ATXN2L: variants seen among roughly 807,000 people sequenced by gnomAD.
ATXN2L encodes the protein ataxin-2-like protein.
ATXN2L carries 24 observed loss-of-function variants against 120.7 expected under a neutral mutation model. That is an observed-to-expected ratio of 0.20 (90% CI 0.14 to 0.28). The LOEUF is 0.28. Among genes scored for constraint, ATXN2L ranks in the 10% least tolerant of loss-of-function variants. ATXN2L has a pLI of 1.00. For missense variants in ATXN2L, 1,312 were observed against 1,432.3 expected, an observed-to-expected ratio of 0.92 and a Z score of 1.36; for synonymous variants, 653 against 568.1, an observed-to-expected ratio of 1.15 and a Z score of -2.13.
In ATXN2L at chr16:28,837,139, C is replaced by A; in HGVS notation, c.*874C>A. The A allele has an allele frequency of 5.5e-6, 2 of 363,242 alleles. No individual in the cohort carries two copies. Among genetic ancestry groups the A allele is most frequent in the South Asian group, 2.4e-5 (1 of 41,214 alleles). 22.5% of individuals were successfully genotyped at this position (363,242 alleles called of 1,614,324 possible). A position where few individuals can be genotyped will look rare whatever the true frequency, so the allele number is the denominator to read the frequency against. ...TTGAGTGACCTGTGTGAGAGACAGA[C>A]AGATGCCCCACGAGGATGGCTGGAC... On this transcript the variant is annotated 3_prime_UTR_variant, in exon 22 of 22. Transcript: ENST00000336783.
chr16:28,827,422 TCA>T (rs1179978272), intron 6 of ATXN2L, among the ~76,000 whole-genome samples: 5 of 151,988 alleles, frequency 3.3e-5, no homozygotes, highest in African/African-American at 1.2e-4. Flanking sequence ...GTGGACCGTG[TCA>T]CACGCAACAA....
At chr16:28,828,975 G>A (rs2053334595) in intron 6 of ATXN2L, among the ~76,000 whole-genome samples, 1 of 152,080 alleles carries the variant, frequency 6.6e-6, no homozygotes, top group Non-Finnish European at 1.5e-5. Context: ...GACCTCAGGT[G>A]ATCCACCCAC....
intron 6 of ATXN2L, 106 bp from the exon 7 acceptor site, chr16:28,829,295 G>A (rs1178721849): frequency 2.5e-6 from 2 of 786,870 alleles, no homozygotes; most frequent in Non-Finnish European, 4.5e-6. Context: ...CAGCCACTGT[G>A]CCCAGCCAAT....
chr16:28,835,903 TCTTCCCGGCTA>T lies in ATXN2L; in HGVS notation c.2896-26_2896-16del, dbSNP rs1186644946. ...CAGAGTCTGTTTCAGGATTCTGTGG[TCTTCCCGGCTA>T]CTTTTTTGTTTTCCACAGGCCCATG... On this transcript the variant is annotated intron_variant, in intron 21 of 21. Transcript: ENST00000336783. The T allele has an allele frequency of 6.4e-7, 1 of 1,551,264 alleles. No homozygotes were observed. Among genetic ancestry groups the T allele is most frequent in the Admixed American group, 1.9e-5 (1 of 52,578 alleles).
At position 28,823,280 on chromosome 16, in the gene ATXN2L, A is replaced by G. The variant is rs1436095685; in HGVS notation, c.21A>G (p.Leu7=). The G allele has an allele frequency of 3.3e-6, 5 of 1,496,988 alleles. No individual in the cohort carries two copies. The highest frequency in any genetic ancestry group is 4.4e-6 in the Non-Finnish European group (5 of 1,123,730). 92.7% of individuals were successfully genotyped at this position (1,496,988 alleles called of 1,614,324 possible). The change falls in exon 1 of 22, where the codon CTA becomes CTG. Residue 7 remains leucine (L), a synonymous_variant. Transcript: ENST00000336783. MLKPQP[L]QQPSQPQQPP... The stretch of plus-strand genomic sequence containing the variant: ...CCATCATGTTGAAGCCTCAGCCGCT[A>G]CAACAGCCCTCCCAGCCCCAGCAGC...
At chr16:28,825,743 C>T in intron 3 of ATXN2L, 27 bp from the exon 4 acceptor site, 2 of 1,613,626 alleles carry the variant, frequency 1.2e-6, no homozygotes, top group Non-Finnish European at 1.7e-6. Context: ...TCTGGAGACA[C>T]TCTTCTTATT....
intron 9 of ATXN2L, 24 bp from the exon 10 acceptor site, chr16:28,830,936 CAA>C (rs373844681): frequency 2.3e-3 from 2,933 of 1,259,326 alleles, no homozygotes; most frequent in South Asian, 2.8e-3. Flanking sequence ...ATTTTCTTCT[CAA>C]AAAAAAAAAA....
Position 28,836,951 on chromosome 16 carries a change from G to T in ATXN2L, c.*686G>T, listed in dbSNP as rs758905885. ...AGGGGCCTCACAGAGGGCAGGGCCA[G>T]GGTCCAGCAGGGGTGGGGGGTTCCT... On this transcript the variant is annotated 3_prime_UTR_variant, in exon 22 of 22. Coordinates refer to ENST00000336783, the MANE Select transcript of ATXN2L (RefSeq NM_007245.4). 4 of 715,788 alleles carry T rather than the reference G, an allele frequency of 5.6e-6. No homozygotes were observed. The highest frequency in any genetic ancestry group is 4.8e-5 in the Admixed American group (2 of 42,006). 44.3% of individuals were successfully genotyped at this position (715,788 alleles called of 1,614,324 possible).
rs2050301169 is a variant in ATXN2L at position 28,823,407 on chromosome 16, G to A, written c.148G>A (p.Gly50Arg). ...GCTGGCCACCTCTGCGGCTCCTCCCGGGCCTCCAGCGGCCGCCTCCCCCTG... is the reference window on the plus strand; with the variant it reads ...GCTGGCCACCTCTGCGGCTCCTCCCAGGCCTCCAGCGGCCGCCTCCCCCTG... ...GPLATSAAPP[G>R]PPAAASPCLG... The change falls in exon 1 of 22, where the codon GGG becomes AGG. Residue 50 changes from glycine to arginine, a missense_variant. Physicochemically the swap from Gly to Arg is moderately radical, Grantham distance 125. Coordinates refer to ENST00000336783, the MANE Select transcript of ATXN2L (RefSeq NM_007245.4). 5.3e-6 allele frequency: 7 copies of A among 1,317,860 alleles called. No homozygotes were observed. Among genetic ancestry groups the A allele is most frequent in the East Asian group, 3.1e-5 (1 of 32,772 alleles). 81.6% of individuals were successfully genotyped at this position (1,317,860 alleles called of 1,614,324 possible).
Position 28,835,151 on chromosome 16 carries a change from C to T in ATXN2L, c.2527C>T (p.Pro843Ser). 4 of 1,613,766 alleles carry T rather than the reference C, an allele frequency of 2.5e-6. No homozygotes were observed. The highest frequency in any genetic ancestry group is 1.7e-6 in the Non-Finnish European group (2 of 1,179,804). ...CGTGTCATCCTCTACCCCTCAGTAC[C>T]CTTCTGCAGAGCAGCCTACCCCCCA... ...AIVSSSTPQYPSAEQPTPQAL... is the reference protein window; with the variant it reads ...AIVSSSTPQYSSAEQPTPQAL... Residue 843 changes from proline (P) to serine (S), a missense_variant, in exon 19 of 22, where the codon CCT (proline) becomes TCT (serine). Coordinates refer to ENST00000336783, the MANE Select transcript of ATXN2L (RefSeq NM_007245.4).
At position 28,831,012 on chromosome 16, in the gene ATXN2L, A is replaced by G; in HGVS notation, c.1261A>G (p.Thr421Ala). The change falls in exon 10 of 22, where the codon ACT (threonine) becomes GCT (alanine). Residue 421 changes from threonine to alanine, a missense_variant. Physicochemically the swap from Thr to Ala is moderately conservative, Grantham distance 58. Coordinates refer to ENST00000336783, the MANE Select transcript of ATXN2L (RefSeq NM_007245.4). ...KAQRPLRGAK[T>A]LSSPSNRPSG... ...ACAACGGCCTCTGAGAGGTGCCAAG[A>G]CTCTGTCTTCGCCCAGTAATAGGCC... 6.2e-7 allele frequency: 1 copy of G among 1,610,286 alleles called. No individual in the cohort carries two copies. The highest frequency in any genetic ancestry group is 8.5e-7 in the Non-Finnish European group (1 of 1,179,410).
In ATXN2L at chr16:28,834,625, C is replaced by T. The variant is rs372029973; in HGVS notation, c.2365C>T (p.Pro789Ser). Residue 789 changes from proline (P) to serine (S), a missense_variant, in exon 18 of 22, where the codon CCC becomes TCC. Transcript: ENST00000336783. ...TGCCACGCCCTATTCTTCCTACATC[C>T]CCTACAACCCTCAGCAGTTCCCAGG... ...VAATPYSSYI[P>S]YNPQQFPGQP... 24 of 1,613,884 alleles carry T rather than the reference C, an allele frequency of 1.5e-5. No individual in the cohort carries two copies. The highest frequency in any genetic ancestry group is 3.3e-5 in the Admixed American group (2 of 59,992).
At position 28,825,411 on chromosome 16, in the gene ATXN2L, C is replaced by G. The variant is rs2051492160; in HGVS notation, c.336+9C>G. On this transcript the variant is annotated intron_variant, in intron 2 of 21. Transcript: ENST00000336783. ...GACCCCCACAGTCACCTGTGAGTGTCTTCTCCCACCCTGTTTAAGATACAT... is the reference window on the plus strand; with the variant it reads ...GACCCCCACAGTCACCTGTGAGTGTGTTCTCCCACCCTGTTTAAGATACAT... 2.5e-6 allele frequency: 4 copies of G among 1,613,252 alleles called. No individual in the cohort carries two copies. The highest frequency in any genetic ancestry group is 3.4e-6 in the Non-Finnish European group (4 of 1,179,496).
chr16:28,825,065 A>C (rs942996464), intron 1 of ATXN2L, among the ~76,000 whole-genome samples: 2 of 150,994 alleles, frequency 1.3e-5, no homozygotes, highest in Non-Finnish European at 1.5e-5. Flanking sequence ...ATTAAAAAAA[A>C]AAAAAGCCAG....
intron 6 of ATXN2L, 82 bp downstream of exon 6, chr16:28,827,068 G>T (rs2052352929): frequency 6.2e-6 from 8 of 1,299,612 alleles, no homozygotes; most frequent in Non-Finnish European, 7.0e-6. Context: ...AGTGGGGAGG[G>T]AAATATTTAC....
Position 28,823,255 on chromosome 16 carries a change from C to A in ATXN2L, c.-5C>A. 1 of 1,460,834 alleles carries A rather than the reference C, an allele frequency of 6.8e-7. No homozygotes were observed. The highest frequency in any genetic ancestry group is 9.0e-7 in the Non-Finnish European group (1 of 1,105,004). The allele number at this position is 1,460,834 out of a possible 1,614,324, so 90.5% of individuals were successfully genotyped here. A position where few individuals can be genotyped will look rare whatever the true frequency, so the allele number is the denominator to read the frequency against. ...TCTCTAATTCCCCTTCCGGACGCTGCCATCATGTTGAAGCCTCAGCCGCTA... is the reference window on the plus strand; with the variant it reads ...TCTCTAATTCCCCTTCCGGACGCTGACATCATGTTGAAGCCTCAGCCGCTA... On this transcript the variant is annotated 5_prime_UTR_variant, in exon 1 of 22. Transcript: ENST00000336783.
At chr16:28,825,283 A>G (rs2051438558) in intron 1 of ATXN2L, 83 bp from the exon 2 acceptor site, 1 of 1,311,634 alleles carries the variant, frequency 7.6e-7, no homozygotes, top group South Asian at 1.2e-5. Context: ...CAGGTGGTAT[A>G]TACTTCTAGG....
At position 28,823,414 on chromosome 16, in the gene ATXN2L, C is replaced by T; in HGVS notation, c.155C>T (p.Pro52Leu). Residue 52 changes from proline to leucine, a missense_variant, in exon 1 of 22, where the codon CCA becomes CTA. By Grantham distance (98) the Pro-to-Leu change is moderately conservative. Transcript: ENST00000336783. Reference sequence around the variant, plus strand: ...ACCTCTGCGGCTCCTCCCGGGCCTCCAGCGGCCGCCTCCCCCTGCCTGGGG... The same window carrying T: ...ACCTCTGCGGCTCCTCCCGGGCCTCTAGCGGCCGCCTCCCCCTGCCTGGGG... ...LATSAAPPGP[P>L]AAASPCLGPV... 1.5e-6 allele frequency: 2 copies of T among 1,306,282 alleles called. No homozygotes were observed. Among genetic ancestry groups the T allele is most frequent in the Non-Finnish European group, 1.9e-6 (2 of 1,031,162 alleles). 80.9% of individuals were successfully genotyped at this position (1,306,282 alleles called of 1,614,324 possible).
At chr16:28,826,485 T>A in intron 5 of ATXN2L, 95 bp downstream of exon 5, 1 of 1,405,326 alleles carries the variant, frequency 7.1e-7, no homozygotes, top group East Asian at 2.3e-5. Context: ...GTGTTTGGTT[T>A]GTTTTTTTGT....
Sources: allele counts gnomAD v4.1 joint callset (sites outside exome capture counted in the v4.1 genomes callset), GRCh38; gene constraint gnomAD v4.1.1; transcripts MANE v1.5; gene names NCBI Gene and HGNC (gene_info 2026-07-23, HGNC 2026-07-21).